Variants in EPPK1 observed in about 807,000 individuals in gnomAD.
The protein encoded by EPPK1 is epiplakin 1.
For missense variants in EPPK1, 3,823 were observed against 3,673.3 expected, an observed-to-expected ratio of 1.04 and a Z score of -1.05; for synonymous variants, 1,862 against 1,721.2, an observed-to-expected ratio of 1.08 and a Z score of -2.03.
upstream of EPPK1, among the ~76,000 whole-genome samples, chr8:143,878,997 C>T (rs559576683): frequency 6.6e-6 from 1 of 152,286 alleles, no homozygotes; most frequent in South Asian, 2.1e-4. Flanking sequence ...CCTCACCCCC[C>T]GGTCTGGCTC....
chr8:143,872,077 G>C lies in EPPK1; in HGVS notation c.1177C>G (p.Arg393Gly), dbSNP rs1487728875. ...KGLVDRPLAL[R>G]LLDAQLATGG... ...GTGGCCAGCTGGGCATCCAAGAGCCGCAGTGCCAGTGGCCTGTCCACTAGC... is the reference window on the plus strand; with the variant it reads ...GTGGCCAGCTGGGCATCCAAGAGCCCCAGTGCCAGTGGCCTGTCCACTAGC... The change falls in exon 2 of 2, where the codon CGG becomes GGG. Residue 393 changes from arginine (R) to glycine (G), a missense_variant. Physicochemically the swap from Arg to Gly is moderately radical, Grantham distance 125. Transcript: ENST00000615648. The C allele has an allele frequency of 6.4e-7, 1 of 1,562,232 alleles. No individual in the cohort carries two copies. Among genetic ancestry groups the C allele is most frequent in the Non-Finnish European group, 8.7e-7 (1 of 1,153,666 alleles).
At position 143,867,918 on chromosome 8, in the gene EPPK1, G is replaced by C. The variant is rs368988023; in HGVS notation, c.5336C>G (p.Ser1779Cys). ...INEATRHVLQ[S>C]RTAKMRVGRF... is the part of the protein sequence containing the mutation. ...CCCCACGCGCATTTTTGCAGTTCTG[G>C]ATTGCAACACGTGTCTCGTGGCCTC... is the stretch of plus-strand genomic sequence containing the variant. Residue 1779 changes from serine to cysteine, a missense_variant, in exon 2 of 2, where the codon TCC (serine) becomes TGC (cysteine). Ser to Cys is a moderately radical substitution (Grantham distance 112). Transcript: ENST00000615648. 2 of 1,613,586 alleles carry C rather than the reference G, an allele frequency of 1.2e-6. No homozygotes were observed. The highest frequency in any genetic ancestry group is 1.7e-6 in the Non-Finnish European group (2 of 1,179,852).
In EPPK1 at chr8:143,873,103, A is replaced by C. The variant is rs1819411795; in HGVS notation, c.151T>G (p.Ser51Ala). The C allele has an allele frequency of 6.4e-7, 1 of 1,559,128 alleles. No individual in the cohort carries two copies. Among genetic ancestry groups the C allele is most frequent in the South Asian group, 1.2e-5 (1 of 83,886 alleles). Residue 51 changes from serine (S) to alanine (A), a missense_variant, in exon 2 of 2, where the codon TCG becomes GCG. Ser to Ala is a moderately conservative substitution (Grantham distance 99, BLOSUM62 1). Coordinates refer to ENST00000615648, the MANE Select transcript of EPPK1 (RefSeq NM_031308.4). ...GCGTAGACACTCTGGGCCTGGCCCG[A>C]GGCCTCCACATACACCCCAGCTATG... is the stretch of plus-strand genomic sequence containing the variant. ...RSIAGVYVEA[S>A]GQAQSVYAAM...
In EPPK1 at chr8:143,867,051, A is replaced by C. The variant is rs1554659286; in HGVS notation, c.6203T>G (p.Leu2068Arg). The change falls in exon 2 of 2, where the codon CTG becomes CGG. Residue 2068 changes from leucine (L) to arginine (R), a missense_variant. Transcript: ENST00000615648. The stretch of plus-strand genomic sequence containing the variant: ...CTCTTGTGGGCGGCACCTCTCCTGC[A>C]GCTCTCGGTACGAGACCTTCTCTTG... ...NTQEKVSYRELQERCRPQEDT... is the reference protein window; with the variant it reads ...NTQEKVSYRERQERCRPQEDT... The C allele has an allele frequency of 6.2e-7, 1 of 1,612,666 alleles. No individual in the cohort carries two copies.
In EPPK1 at chr8:143,857,981, G is replaced by GCCCA; in HGVS notation, c.*2_*5dup. ...AGTTGCAGAAAACTGCACGGAGGAA[G>GCCCA]CCCAGTCACTGTAGAGAGAGAGAAA... On this transcript the variant is annotated 3_prime_UTR_variant, in exon 2 of 2. Transcript: ENST00000615648. 6.4e-7 allele frequency: 1 copy of GCCCA among 1,568,582 alleles called. No individual in the cohort carries two copies. The highest frequency in any genetic ancestry group is 8.7e-7 in the Non-Finnish European group (1 of 1,152,802).
rs1819149671 is a variant in EPPK1, at chr8:143,867,116, G to A, written c.6138C>T (p.Asp2046=). The change falls in exon 2 of 2, where the codon GAC becomes GAT. Residue 2046 remains aspartate, a synonymous_variant. Transcript: ENST00000615648. ...CAAACCGTTTCCTCATGTGCTTCTGGTCGGAAATGAGCGCATAGATGTCCT... is the reference window on the plus strand; with the variant it reads ...CAAACCGTTTCCTCATGTGCTTCTGATCGGAAATGAGCGCATAGATGTCCT... ...LHKDIYALIS[D]QKHMRKRFVD... is the part of the protein sequence containing the mutation. 6.2e-7 allele frequency: 1 copy of A among 1,612,984 alleles called. No individual in the cohort carries two copies. Among genetic ancestry groups the A allele is most frequent in the Middle Eastern group, 1.6e-4 (1 of 6,062 alleles).
Position 143,871,844 on chromosome 8 carries a change from C to T in EPPK1, c.1410G>A (p.Gly470=), listed in dbSNP as rs1819361844. Residue 470 remains glycine (G), a synonymous_variant, in exon 2 of 2, where the codon GGG becomes GGA. Transcript: ENST00000615648. ...CCTGGGGCTCCCCTCCCCGGGGTCC[C>T]CCTGAGAGTGGCAGGAAGGCAAGCC... ...ETGLAFLPLS[G]GPRGGEPQGP... 2 of 1,612,390 alleles carry T rather than the reference C, an allele frequency of 1.2e-6. No homozygotes were observed. The highest frequency in any genetic ancestry group is 1.7e-6 in the Non-Finnish European group (2 of 1,179,854).
Position 143,867,323 on chromosome 8 carries a change from G to C in EPPK1, c.5931C>G (p.Gly1977=). The change falls in exon 2 of 2, where the codon GGC becomes GGG. Residue 1977 remains glycine, a synonymous_variant. Transcript: ENST00000615648. ...RLLKAERAAT[G]YRDPATGDTI... ...TGTCTCCTGTGGCCGGATCCCTGTAGCCCGTGGCAGCTCTTTCAGCCTTCA... is the reference window on the plus strand; with the variant it reads ...TGTCTCCTGTGGCCGGATCCCTGTACCCCGTGGCAGCTCTTTCAGCCTTCA... 8 of 1,612,726 alleles carry C rather than the reference G, an allele frequency of 5.0e-6. No homozygotes were observed. The highest frequency in any genetic ancestry group is 6.8e-6 in the Non-Finnish European group (8 of 1,179,828).
Position 143,869,992 on chromosome 8 carries a change from CCG to C in EPPK1, c.3260_3261del (p.Pro1087ArgfsTer19). The C allele has an allele frequency of 6.2e-7, 1 of 1,608,520 alleles. No individual in the cohort carries two copies. The highest frequency in any genetic ancestry group is 8.5e-7 in the Non-Finnish European group (1 of 1,177,580). Reference sequence around the variant, plus strand: ...GCATAGCTCGTGCGCCCCTGGCCGTCCGGTGTGGGGAAGGTTTCGGAGGAGCT... The same window carrying C: ...GCATAGCTCGTGCGCCCCTGGCCGTCGTGTGGGGAAGGTTTCGGAGGAGCT... ...LSSSSETFPTPDGQGRTSYAQ... is the reference protein window; with the variant it reads ...LSSSSETFPTXDGQGRTSYAQ... On this transcript the variant is annotated frameshift_variant, in exon 2 of 2. Coordinates refer to ENST00000615648, the MANE Select transcript of EPPK1 (RefSeq NM_031308.4). LOFTEE classifies it low-confidence loss of function (END_TRUNC).
In EPPK1 at chr8:143,867,735, G is replaced by A. The variant is rs79961029; in HGVS notation, c.5519C>T (p.Thr1840Met). The change falls in exon 2 of 2, where the codon ACG (threonine) becomes ATG (methionine). Residue 1840 changes from threonine to methionine, a missense_variant. Thr to Met is a moderately conservative substitution (Grantham distance 81). Coordinates refer to ENST00000615648, the MANE Select transcript of EPPK1 (RefSeq NM_031308.4). ...IITTTIEETE[T>M]QNQGIKVAAI... The stretch of plus-strand genomic sequence containing the variant: ...CGCCACTTTGATGCCTTGGTTTTGC[G>A]TCTCTGTTTCTTCAATTGTCGTGGT... 3,091 of 1,613,702 alleles carry A rather than the reference G, an allele frequency of 1.9e-3. 35 individuals carry two copies. The African/African-American group carries it at 0.03, about 16-fold the overall frequency.
Position 143,873,462 on chromosome 8 carries a change from C to T in EPPK1, c.-45-164G>A, listed in dbSNP as rs113122664. 6.2e-3 allele frequency among the ~76,000 whole-genome samples: 939 copies of T among 152,148 alleles called. 3 individuals are homozygous for T. Among genetic ancestry groups the T allele is most frequent in the African/African-American group, 0.022 (909 of 41,514 alleles). On this transcript the variant is annotated intron_variant, in intron 1 of 1. Transcript: ENST00000615648. ...CTGAGTCTGCCCAGGAGCACTCTGC[C>T]GCGGGGGTGCCAAGGGAAGTGCCAG...
chr8:143,873,691 A>T (rs1314000876), intron 1 of EPPK1, among the ~76,000 whole-genome samples: 1 of 151,492 alleles, frequency 6.6e-6, no homozygotes, highest in Non-Finnish European at 1.5e-5. Flanking sequence ...GCCCTGCTCC[A>T]AAAGGGCTGT....
At position 143,857,911 on chromosome 8, in the gene EPPK1, A is replaced by C. The variant is rs1007255125; in HGVS notation, c.*76T>G. The C allele has an allele frequency of 1.6e-4, 130 of 806,152 alleles. No homozygotes were observed. Among genetic ancestry groups the C allele is most frequent in the Admixed American group, 4.4e-4 (12 of 27,086 alleles). 49.9% of individuals were successfully genotyped at this position (806,152 alleles called of 1,614,324 possible). On this transcript the variant is annotated 3_prime_UTR_variant, in exon 2 of 2. Coordinates refer to ENST00000615648, the MANE Select transcript of EPPK1 (RefSeq NM_031308.4). ...TAAAGAATGACAAAAAAAAAAAAAA[A>C]AAAAAAAACAACCCAGACACACAAG...
chr8:143,866,059 G>A lies in EPPK1; in HGVS notation c.7195C>T (p.Gln2399Ter). ...PNTHENLTYV[Q>*]LLRRCVPDPD... ...TCGGGCACGCAGCGGCGCAGCAGCT[G>A]CACGTACGTGAGGTTCTCGTGCGTG... The change falls in exon 2 of 2, where the codon CAG becomes TAG. Residue 2399 changes from glutamine (Q) to a stop codon, truncating the protein, a stop_gained. Transcript: ENST00000615648. LOFTEE classifies it low-confidence loss of function (END_TRUNC). 2 of 211,110 alleles carry A rather than the reference G, an allele frequency of 9.5e-6. No homozygotes were observed. Among genetic ancestry groups the A allele is most frequent in the South Asian group, 6.0e-5 (2 of 33,606 alleles). The allele number at this position is 211,110 out of a possible 1,614,324, so 13.1% of individuals were successfully genotyped here. A position where few individuals can be genotyped will look rare whatever the true frequency, so the allele number is the denominator to read the frequency against.
At chr8:143,877,804 C>T (rs1819509863) in intron 1 of EPPK1, among the ~76,000 whole-genome samples, 1 of 152,000 alleles carries the variant, frequency 6.6e-6, no homozygotes, top group Non-Finnish European at 1.5e-5. Context: ...TGGCACAGTG[C>T]AGCGGGGGCC....
In EPPK1 at chr8:143,866,741, G is replaced by A. The variant is rs1554659156; in HGVS notation, c.6513C>T (p.His2171=). 5 of 1,613,488 alleles carry A rather than the reference G, an allele frequency of 3.1e-6. No individual in the cohort carries two copies. The highest frequency in any genetic ancestry group is 4.5e-5 in the East Asian group (2 of 44,888). Residue 2171 remains histidine (H), a synonymous_variant, in exon 2 of 2, where the codon CAC becomes CAT. Coordinates refer to ENST00000615648, the MANE Select transcript of EPPK1 (RefSeq NM_031308.4). ...LIEKQETSNK[H]LWFQGIRRQI... Reference sequence around the variant, plus strand: ...GTCGTCTAATTCCTTGGAACCACAGGTGTTTGTTGCTGGTTTCCTGCTTCT... The same window carrying A: ...GTCGTCTAATTCCTTGGAACCACAGATGTTTGTTGCTGGTTTCCTGCTTCT...
Position 143,866,173 on chromosome 8 carries a change from C to A in EPPK1, c.7081G>T (p.Val2361Leu). Reference protein sequence around the residue: ...PVHSHRVPVDVAYRRGYFDEE... With the variant: ...PVHSHRVPVDLAYRRGYFDEE... Reference sequence around the variant, plus strand: ...TCGAAGTAGCCGCGCCGGTAGGCCACGTCCACGGGCACGCGGTGGCTGTGC... The same window carrying A: ...TCGAAGTAGCCGCGCCGGTAGGCCAAGTCCACGGGCACGCGGTGGCTGTGC... Residue 2361 changes from valine (V) to leucine (L), a missense_variant, in exon 2 of 2, where the codon GTG becomes TTG. Physicochemically the swap from Val to Leu is conservative, Grantham distance 32 (BLOSUM62 1). Transcript: ENST00000615648. 2.4e-6 allele frequency: 1 copy of A among 414,354 alleles called. No homozygotes were observed. The allele number at this position is 414,354 out of a possible 1,614,324, so 25.7% of individuals were successfully genotyped here.
Position 143,866,046 on chromosome 8 carries a change from CGGCGCAGCAGCTGCACGTACG to C in EPPK1, c.7187_7207del (p.Thr2396_Arg2403delinsSer). 5.3e-6 allele frequency: 1 copy of C among 187,986 alleles called. No homozygotes were observed. Among genetic ancestry groups the C allele is most frequent in the Non-Finnish European group, 8.8e-6 (1 of 113,198 alleles). The allele number at this position is 187,986 out of a possible 1,614,324, so 11.6% of individuals were successfully genotyped here. ...CCCGGTGTCCGGGTCGGGCACGCAG[CGGCGCAGCAGCTGCACGTACG>C]TGAGGTTCTCGTGCGTGTTGGGGTC... On this transcript the variant is annotated inframe_deletion, in exon 2 of 2. Transcript: ENST00000615648.
rs368863679 is a variant in EPPK1 at position 143,867,131 on chromosome 8, A to T, written c.6123T>A (p.Tyr2041Ter). ...TGTGCTTCTGGTCGGAAATGAGCGC[A>T]TAGATGTCCTTGTGCAGACAGCCCC... ...YRRGCLHKDI[Y>*]ALISDQKHMR... The change falls in exon 2 of 2, where the codon TAT becomes TAA. Residue 2041 changes from tyrosine (Y) to a stop codon, truncating the protein, a stop_gained. Transcript: ENST00000615648. LOFTEE classifies it low-confidence loss of function (END_TRUNC). The T allele has an allele frequency of 1.9e-6, 3 of 1,612,786 alleles. No homozygotes were observed. The highest frequency in any genetic ancestry group is 2.7e-5 in the African/African-American group (2 of 74,896).
Sources: gnomAD v4.1 joint callset for allele counts (sites outside exome capture counted in the v4.1 genomes callset) on GRCh38, gnomAD v4.1.1 for gene constraint, MANE v1.5 for transcripts, NCBI Gene and HGNC (gene_info 2026-07-23, HGNC 2026-07-21) for gene names.